RFC3: variants seen among roughly 807,000 people sequenced by gnomAD.
The protein encoded by RFC3 is A1 38 kDa subunit.
RFC3 carries 41 observed loss-of-function variants against 45.1 expected under a neutral mutation model. The ratio of observed to expected loss-of-function variants is 0.91; its 90% CI spans 0.71 to 1.18. RFC3 has a LOEUF of 1.18. Ranked by LOEUF, RFC3 falls within the 50% of genes most tolerant of loss-of-function variation. RFC3 has a pLI of 0.00. For synonymous variants in RFC3, 149 were observed against 144.0 expected, an observed-to-expected ratio of 1.03 and a Z score of -0.25; for missense variants, 423 against 428.1, an observed-to-expected ratio of 0.99 and a Z score of 0.10.
At chr13:33,879,666 T>C (rs2082469813) in intron 8 of RFC3, among the ~76,000 whole-genome samples, 2 of 152,248 alleles carry the variant, frequency 1.3e-5, no homozygotes, top group Non-Finnish European at 1.5e-5. Context: ...ATCAATTATA[T>C]TGACTTTTAG....
intron 4 of RFC3, among the ~76,000 whole-genome samples, chr13:33,829,358 G>A (rs1361766975): frequency 6.6e-6 from 1 of 152,176 alleles, no homozygotes; most frequent in Non-Finnish European, 1.5e-5. Context: ...CCACAGAAAT[G>A]TGCTGCTGAG....
rs548556523 is a variant in RFC3, at chr13:33,831,327, C to A, written c.782C>A (p.Ala261Asp). ...GTGTATCTGAGGGAGACTGCAAATG[C>A]TATTGTCAGTCAGCAAACTCCACAA... ...WEVYLRETANAIVSQQTPQRL... is the reference protein window; with the variant it reads ...WEVYLRETANDIVSQQTPQRL... The change falls in exon 7 of 9, where the codon GCT becomes GAT. Residue 261 changes from alanine (A) to aspartate (D), a missense_variant. Transcript: ENST00000380071. The A allele has an allele frequency of 6.2e-7, 1 of 1,606,872 alleles. No homozygotes were observed. The highest frequency in any genetic ancestry group is 2.2e-5 in the East Asian group (1 of 44,834).
In RFC3 at chr13:33,955,191, A is replaced by G. The variant is rs184702145; in HGVS notation, c.880-10896A>G. On this transcript the variant is annotated intron_variant, in intron 8 of 8. Transcript: ENST00000434425. Reference sequence around the variant, plus strand: ...TAGGGTTAATGAACAAGAGTGAAGAAGGAGAAATGAAGCCTTCTCAGAAGC... The same window carrying G: ...TAGGGTTAATGAACAAGAGTGAAGAGGGAGAAATGAAGCCTTCTCAGAAGC... Among the ~76,000 whole-genome samples the G allele has an allele frequency of 3.5e-3, 534 of 152,316 alleles. 3 individuals carry two copies. The highest frequency in any genetic ancestry group is 0.012 in the African/African-American group (502 of 41,572).
At chr13:33,885,201 T>G (rs539580165) in intron 8 of RFC3, among the ~76,000 whole-genome samples, 2 of 152,320 alleles carry the variant, frequency 1.3e-5, no homozygotes, top group African/African-American at 4.8e-5. Flanking sequence ...GTGTATGGAA[T>G]TCTATCATGG....
At chr13:33,827,087 T>A (rs1160995716) in intron 4 of RFC3, among the ~76,000 whole-genome samples, 1 of 152,212 alleles carries the variant, frequency 6.6e-6, no homozygotes, top group Non-Finnish European at 1.5e-5. Context: ...ATGATTTTTC[T>A]TTAGTTCATT....
At chr13:33,879,988 C>CA (rs2059018048) in intron 8 of RFC3, among the ~76,000 whole-genome samples, 1 of 152,210 alleles carries the variant, frequency 6.6e-6, no homozygotes, top group Non-Finnish European at 1.5e-5. Flanking sequence ...TTCTTTTCCC[C>CA]TTCTCTTCCA....
chr13:33,906,480 C>T (rs956095866), intron 8 of RFC3, among the ~76,000 whole-genome samples: 2 of 150,338 alleles, frequency 1.3e-5, no homozygotes, highest in Non-Finnish European at 2.9e-5. Context: ...CTATTCTGAT[C>T]ATCACTTTCC....
At chr13:33,923,115 A>G (rs1365771580) in intron 8 of RFC3, among the ~76,000 whole-genome samples, 1 of 152,122 alleles carries the variant, frequency 6.6e-6, no homozygotes, top group Non-Finnish European at 1.5e-5. Flanking sequence ...TGACTGGAAA[A>G]TGACAGTTTT....
intron 8 of RFC3, among the ~76,000 whole-genome samples, chr13:33,879,630 T>TA (rs1327122579): frequency 6.6e-6 from 1 of 152,164 alleles, no homozygotes; most frequent in African/African-American, 2.4e-5. Context: ...AAGAAATAAA[T>TA]AAAAAATTAA....
At chr13:33,832,331 T>G (rs113738191) in intron 7 of RFC3, among the ~76,000 whole-genome samples, 8 of 152,172 alleles carry the variant, frequency 5.3e-5, no homozygotes, top group Non-Finnish European at 2.9e-5. Flanking sequence ...ATAGACTGAA[T>G]AGACTGCAGC....
intron 8 of RFC3, among the ~76,000 whole-genome samples, chr13:33,851,162 A>G (rs2082274058): frequency 6.6e-6 from 1 of 152,190 alleles, no homozygotes; most frequent in African/African-American, 2.4e-5. Flanking sequence ...GTAGTTACAC[A>G]AGGATATATG....
At chr13:33,942,807 G>A (rs2082933036) in intron 8 of RFC3, among the ~76,000 whole-genome samples, 1 of 152,058 alleles carries the variant, frequency 6.6e-6, no homozygotes, top group Non-Finnish European at 1.5e-5. Context: ...TATGTAGTGA[G>A]TAGATTGAAT....
At chr13:33,901,965 T>C (rs1250184888) in intron 8 of RFC3, among the ~76,000 whole-genome samples, 14 of 152,044 alleles carry the variant, frequency 9.2e-5, no homozygotes, top group Admixed American at 8.5e-4. Context: ...AAGAGAAATA[T>C]CCACTTCCAC....
chr13:33,834,944 T>C (rs2082139544), intron 7 of RFC3, among the ~76,000 whole-genome samples: 1 of 152,350 alleles, frequency 6.6e-6, no homozygotes, highest in Non-Finnish European at 1.5e-5. Flanking sequence ...AGCCTCCATA[T>C]GTTTATCCTA....
At chr13:33,826,597 T>A in intron 4 of RFC3, among the ~76,000 whole-genome samples, 1 of 152,206 alleles carries the variant, frequency 6.6e-6, no homozygotes, top group Admixed American at 6.5e-5. Flanking sequence ...CAAAATAAAT[T>A]TACATTTATG....
intron 1 of RFC3, among the ~76,000 whole-genome samples, chr13:33,820,813 CT>C: frequency 6.6e-6 from 1 of 151,720 alleles, no homozygotes; most frequent in East Asian, 1.9e-4. Flanking sequence ...GGAGTTCCCG[CT>C]TTCTAGCATT....
At chr13:33,840,016 G>A (rs1017764880), downstream of RFC3, among the ~76,000 whole-genome samples, 1 of 152,078 alleles carries the variant, frequency 6.6e-6, no homozygotes, top group Non-Finnish European at 1.5e-5. Context: ...TGCTACTATG[G>A]CTGCTTTTAA....
At chr13:33,901,425 A>G (rs1404034968) in intron 8 of RFC3, among the ~76,000 whole-genome samples, 2 of 152,230 alleles carry the variant, frequency 1.3e-5, no homozygotes, top group African/African-American at 4.8e-5. Context: ...TTTAAATGAG[A>G]TAAGCCAAGC....
At chr13:33,859,029 T>C (rs1366665934) in intron 8 of RFC3, among the ~76,000 whole-genome samples, 1 of 152,228 alleles carries the variant, frequency 6.6e-6, no homozygotes, top group Admixed American at 6.5e-5. Flanking sequence ...TCTGGGACTT[T>C]GGATGAACTG....
Sources: gnomAD v4.1 joint callset for allele counts (sites outside exome capture counted in the v4.1 genomes callset) on GRCh38, gnomAD v4.1.1 for gene constraint, MANE v1.5 for transcripts, NCBI Gene and HGNC (gene_info 2026-07-23, HGNC 2026-07-21) for gene names.